The following PIK3CB variants were observed in gnomAD, a reference collection of about 807,000 sequenced individuals.
PIK3CB encodes the protein phosphatidylinositol 4,5-bisphosphate 3-kinase catalytic subunit beta isoform.
A neutral mutation model predicts 136.8 loss-of-function variants in PIK3CB; 39 were observed. That is an observed-to-expected ratio of 0.29 (90% CI 0.22 to 0.37). The LOEUF (loss-of-function observed/expected upper bound fraction) is 0.37. Among genes scored for constraint, PIK3CB ranks in the 10% least tolerant of loss-of-function variants. The pLI, the probability that PIK3CB is intolerant of heterozygous loss-of-function variation, is 1.00. For synonymous variants in PIK3CB, 428 were observed against 436.6 expected (o/e 0.98, Z 0.25); for missense variants, 868 against 1,275.4 (o/e 0.68, Z 4.87).
chr3:138,744,442 T>C lies in PIK3CB; in HGVS notation c.398-1661A>G, dbSNP rs1255257826. 8.9e-5 allele frequency among the ~76,000 whole-genome samples: 10 copies of C among 111,762 alleles called. No homozygotes were observed. In the Admixed American group the frequency reaches 1.1e-3, roughly 12 times the overall value. 73.3% of individuals were successfully genotyped at this position (111,762 alleles called of 152,430 possible). On this transcript the variant is annotated intron_variant, in intron 4 of 23. Coordinates refer to ENST00000674063, the MANE Select transcript of PIK3CB (RefSeq NM_006219.3). ...AAAAAAGGAAGTGGATCACCATAAA[T>C]GTCTTCATAACTCATCATCTTCACA...
chr3:138,663,425 A>G (rs1270825222), intron 21 of PIK3CB, among the ~76,000 whole-genome samples: 2 of 152,194 alleles, frequency 1.3e-5, no homozygotes, highest in African/African-American at 4.8e-5. Flanking sequence ...CTTGTTGCCC[A>G]GGCTGGAGCA....
At chr3:138,683,841 A>G in intron 17 of PIK3CB, 54 bp from the exon 18 acceptor site, 1 of 924,498 alleles carries the variant, frequency 1.1e-6, no homozygotes. Context: ...ACAGAAGATT[A>G]TAATTTTACC....
intron 4 of PIK3CB, among the ~76,000 whole-genome samples, chr3:138,745,960 T>C (rs2045347111): frequency 1.3e-5 from 2 of 152,200 alleles, no homozygotes; most frequent in Middle Eastern, 6.8e-3. Context: ...TAAAAACTTG[T>C]TCAGGGTCAG....
intron 11 of PIK3CB, among the ~76,000 whole-genome samples, chr3:138,705,206 T>C (rs1337739833): frequency 9.7e-6 from 1 of 103,214 alleles, no homozygotes. Flanking sequence ...AAAAAACTTA[T>C]ATTTGCAAAT....
chr3:138,715,008 T>C (rs565883156), intron 8 of PIK3CB, among the ~76,000 whole-genome samples: 3 of 152,226 alleles, frequency 2.0e-5, no homozygotes, highest in African/African-American at 7.2e-5. Context: ...AATGCCAGGG[T>C]GCTCAATGGT....
chr3:138,734,649 T>C lies in PIK3CB; in HGVS notation c.957A>G (p.Lys319=), dbSNP rs945932702. 1.2e-6 allele frequency: 2 copies of C among 1,609,368 alleles called. No individual in the cohort carries two copies. Among genetic ancestry groups the C allele is most frequent in the African/African-American group, 1.3e-5 (1 of 74,778 alleles). The change falls in exon 7 of 24, where the codon AAA becomes AAG. Residue 319 remains lysine, a synonymous_variant. Transcript: ENST00000674063. ...SNLPLPLPPK[K]TRIISHVWEN... ...TAAAACTTACAGAAATAATTCGTGTTTTCTTTGGTGGTAATGGAAGAGGAA... is the reference window on the plus strand; with the variant it reads ...TAAAACTTACAGAAATAATTCGTGTCTTCTTTGGTGGTAATGGAAGAGGAA...
intron 10 of PIK3CB, among the ~76,000 whole-genome samples, chr3:138,710,643 T>G (rs1055485984): frequency 1.3e-5 from 2 of 152,206 alleles, no homozygotes; most frequent in African/African-American, 4.8e-5. Flanking sequence ...AAGACTAACT[T>G]ATTTTCTCTG....
chr3:138,820,181 A>G (rs1933498275), intron 1 of PIK3CB, among the ~76,000 whole-genome samples: 1 of 152,166 alleles, frequency 6.6e-6, no homozygotes, highest in Non-Finnish European at 1.5e-5. Context: ...TTTGCACACT[A>G]AATGCTAATA....
At chr3:138,767,867 G>A (rs1474349941) in intron 2 of PIK3CB, among the ~76,000 whole-genome samples, 5 of 152,194 alleles carry the variant, frequency 3.3e-5, no homozygotes, top group East Asian at 1.9e-4. Flanking sequence ...GTCCTGGCTC[G>A]GGGAGTTCCC....
At chr3:138,696,250 G>A (rs2044136162) in intron 13 of PIK3CB, among the ~76,000 whole-genome samples, 1 of 147,810 alleles carries the variant, frequency 6.8e-6, no homozygotes. Flanking sequence ...TGGCACTATC[G>A]TACCTCACTG....
intron 6 of PIK3CB, 30 bp downstream of exon 6, chr3:138,737,677 T>G (rs779256613): frequency 8.5e-7 from 1 of 1,173,142 alleles, no homozygotes; most frequent in East Asian, 2.5e-5. Flanking sequence ...TCATAGACTT[T>G]TCTGGTAAAT....
At chr3:138,666,827 A>G (rs1045232465) in intron 19 of PIK3CB, among the ~76,000 whole-genome samples, 9 of 152,312 alleles carry the variant, frequency 5.9e-5, no homozygotes, top group African/African-American at 2.2e-4. Flanking sequence ...AGCAGTCCCT[A>G]CACTCACTGA....
chr3:138,754,011 T>C (rs767037838), intron 4 of PIK3CB, among the ~76,000 whole-genome samples: 3 of 152,158 alleles, frequency 2.0e-5, no homozygotes, highest in Non-Finnish European at 4.4e-5. Context: ...AAAAGAAATA[T>C]ATCAAAATAT....
intron 10 of PIK3CB, among the ~76,000 whole-genome samples, chr3:138,708,453 G>A (rs2044425692): frequency 6.6e-6 from 1 of 151,366 alleles, no homozygotes; most frequent in Non-Finnish European, 1.5e-5. Context: ...TAGAGACAGG[G>A]TTTCACCATG....
chr3:138,813,077 A>AT (rs1253731224), intron 1 of PIK3CB, among the ~76,000 whole-genome samples: 2 of 152,082 alleles, frequency 1.3e-5, no homozygotes, highest in Non-Finnish European at 2.9e-5. Flanking sequence ...CCTCTGTATT[A>AT]TTTTTTACAA....
chr3:138,656,318 G>C (rs1295022417), intron 22 of PIK3CB, 44 bp from the exon 23 acceptor site: 3 of 1,602,368 alleles, frequency 1.9e-6, no homozygotes, highest in Non-Finnish European at 2.6e-6. Flanking sequence ...TGTTAGAGGG[G>C]AGAGAGCACA....
intron 4 of PIK3CB, among the ~76,000 whole-genome samples, chr3:138,750,208 G>C (rs915459271): frequency 6.6e-6 from 1 of 152,130 alleles, no homozygotes; most frequent in Non-Finnish European, 1.5e-5. Flanking sequence ...TGTATACATT[G>C]TGGAATGATC....
chr3:138,786,582 G>T (rs1430333826), intron 2 of PIK3CB, among the ~76,000 whole-genome samples: 1 of 151,972 alleles, frequency 6.6e-6, no homozygotes, highest in African/African-American at 2.4e-5. Context: ...CTCACCTCAG[G>T]TCATCCACCC....
chr3:138,695,614 A>T (rs74780035), intron 13 of PIK3CB, among the ~76,000 whole-genome samples: 2 of 152,202 alleles, frequency 1.3e-5, no homozygotes, highest in Admixed American at 6.5e-5. Flanking sequence ...AAAGTAAATA[A>T]AAGTTAACTA....
Sources: gnomAD v4.1 joint callset for allele counts (sites outside exome capture counted in the v4.1 genomes callset) on GRCh38, gnomAD v4.1.1 for gene constraint, MANE v1.5 for transcripts, NCBI Gene and HGNC (gene_info 2026-07-23, HGNC 2026-07-21) for gene names.